ADGRV1: variants seen among roughly 807,000 people sequenced by gnomAD.
The protein encoded by ADGRV1 is G-protein coupled receptor 98.
Under a neutral mutation model 596.2 loss-of-function variants are expected in ADGRV1, and 359 were observed. The ratio of observed to expected loss-of-function variants is 0.60; its 90% CI spans 0.55 to 0.66. ADGRV1 has a LOEUF of 0.66. ADGRV1 is among the 30% of genes least tolerant of loss of function. The probability of loss-of-function intolerance (pLI) is 0.00; values close to 1 mark genes in which losing one functional copy is unlikely to be tolerated. For missense variants in ADGRV1, 7,274 were observed against 7,575.6 expected (o/e 0.96, Z 1.48); for synonymous variants, 2,681 against 2,679.2 (o/e 1.00, Z -0.02).
In ADGRV1 at chr5:90,778,861, A is replaced by G. The variant is rs374348637; in HGVS notation, c.12850-4A>G. 3.3e-5 allele frequency: 53 copies of G among 1,601,770 alleles called. No homozygotes were observed. The East Asian group carries it at 4.7e-4, about 14-fold the overall frequency. On this transcript the variant is annotated splice_polypyrimidine_tract_variant and splice_region_variant and intron_variant, in intron 63 of 89. Coordinates refer to ENST00000405460, the MANE Select transcript of ADGRV1 (RefSeq NM_032119.4). ...AATCAAATAAGAAAATGCATTTTGC[A>G]TAGGTTAACATCACAATCATCCGTT...
At chr5:91,003,199 A>C (rs1781986280) in intron 85 of ADGRV1, among the ~76,000 whole-genome samples, 1 of 152,194 alleles carries the variant, frequency 6.6e-6, no homozygotes, top group African/African-American at 2.4e-5. Flanking sequence ...ACTCAGTCCC[A>C]AAAAGAAATT....
Position 91,152,378 on chromosome 5 carries a change from A to T in ADGRV1, c.18625-843A>T, listed in dbSNP as rs1359908173. ...ATTTAGTATATCCTTATAGATACCTACTATATTTAAAATCCTATGTGGCAT... is the reference window on the plus strand; with the variant it reads ...ATTTAGTATATCCTTATAGATACCTTCTATATTTAAAATCCTATGTGGCAT... On this transcript the variant is annotated intron_variant, in intron 88 of 89. Transcript: ENST00000405460. Among the ~76,000 whole-genome samples the T allele has an allele frequency of 2.6e-5, 4 of 152,338 alleles. No homozygotes were observed. The South Asian group carries it at 8.3e-4, about 32-fold the overall frequency.
chr5:91,153,357 A>G lies in ADGRV1; in HGVS notation c.18761A>G (p.Glu6254Gly). Reference protein sequence around the residue: ...YGQGSLIADEESQEFDDLIFA... With the variant: ...YGQGSLIADEGSQEFDDLIFA... Reference sequence around the variant, plus strand: ...CAGGGGTCACTGATAGCCGATGAGGAGTCCCAGGAGTTTGATGATTTAATA... The same window carrying G: ...CAGGGGTCACTGATAGCCGATGAGGGGTCCCAGGAGTTTGATGATTTAATA... The change falls in exon 89 of 90, where the codon GAG (glutamate) becomes GGG (glycine). Residue 6254 changes from glutamate to glycine, a missense_variant. Physicochemically the swap from Glu to Gly is moderately conservative, Grantham distance 98 (BLOSUM62 -2). This residue lies in a region of ADGRV1 where 1,874 missense variants were observed against 1,970.2 expected (regional missense o/e 0.95). Transcript: ENST00000405460. The G allele has an allele frequency of 4.3e-6, 7 of 1,610,400 alleles. No homozygotes were observed. Among genetic ancestry groups the G allele is most frequent in the Non-Finnish European group, 5.9e-6 (7 of 1,178,224 alleles).
chr5:90,954,083 G>A (rs10213801), intron 83 of ADGRV1, among the ~76,000 whole-genome samples: 84,978 of 151,328 alleles, frequency 0.56, 24,721 homozygotes, highest in African/African-American at 0.66. Context: ...AGCTAACGTG[G>A]CTTTTTAATG....
chr5:90,954,169 CTTT>C (rs70973717), intron 83 of ADGRV1, among the ~76,000 whole-genome samples: 7 of 138,402 alleles, frequency 5.1e-5, no homozygotes, highest in Non-Finnish European at 6.2e-5. Flanking sequence ...CCCAGCCTTG[CTTT>C]TTTTTTTTTT....
In ADGRV1 at chr5:91,153,261, G is replaced by C; in HGVS notation, c.18665G>C (p.Ser6222Thr). The change falls in exon 89 of 90, where the codon AGT (serine) becomes ACT (threonine). Residue 6222 changes from serine (S) to threonine (T), a missense_variant. Around this residue, in one of 5 missense-constraint regions of ADGRV1, gnomAD observed 1,874 missense variants for 1,970.2 expected, o/e 0.95. Transcript: ENST00000405460. ...DWERASFQQG[S>T]QASPDLKPSP... ...GAGAGAGCATCCTTCCAACAGGGCA[G>C]TCAGGCCAGCCCTGATTTAAAGCCA... The C allele has an allele frequency of 6.2e-7, 1 of 1,608,854 alleles. No individual in the cohort carries two copies. Among genetic ancestry groups the C allele is most frequent in the South Asian group, 1.1e-5 (1 of 89,808 alleles).
At chr5:90,596,025 T>C (rs1326603112) in intron 1 of ADGRV1, among the ~76,000 whole-genome samples, 7 of 143,208 alleles carry the variant, frequency 4.9e-5, no homozygotes, top group African/African-American at 1.6e-4. Flanking sequence ...GGCTCCTCAC[T>C]TCTCATACGG....
At chr5:91,035,861 T>TTATATATATATATATATA (rs1554202360) in intron 85 of ADGRV1, among the ~76,000 whole-genome samples, 1 of 96,396 alleles carries the variant, frequency 1.0e-5, no homozygotes, top group African/African-American at 3.8e-5. Flanking sequence ...TATATATATA[T>TTATATATATATATATATA]TATATATATA....
At chr5:90,749,853 G>T (rs1175609476) in intron 52 of ADGRV1, among the ~76,000 whole-genome samples, 1 of 152,126 alleles carries the variant, frequency 6.6e-6, no homozygotes, top group Non-Finnish European at 1.5e-5. Flanking sequence ...AGGAAGCATA[G>T]ATAAGAAGAA....
intron 87 of ADGRV1, among the ~76,000 whole-genome samples, chr5:91,111,972 G>A (rs966273090): frequency 1.3e-5 from 2 of 152,178 alleles, no homozygotes; most frequent in African/African-American, 2.4e-5. Flanking sequence ...TTCTTAATCA[G>A]GTTATGCCTC....
At chr5:90,916,646 T>TTG (rs1773385061) in intron 83 of ADGRV1, among the ~76,000 whole-genome samples, 1 of 149,240 alleles carries the variant, frequency 6.7e-6, no homozygotes, top group South Asian at 2.1e-4. Flanking sequence ...TTTTTTTTTT[T>TTG]TTTTGAGACG....
At position 90,643,048 on chromosome 5, in the gene ADGRV1, G is replaced by A. The variant is rs752233075; in HGVS notation, c.2553+7G>A. 6 of 1,606,604 alleles carry A rather than the reference G, an allele frequency of 3.7e-6. No individual in the cohort carries two copies. Among genetic ancestry groups the A allele is most frequent in the Non-Finnish European group, 5.1e-6 (6 of 1,173,876 alleles). On this transcript the variant is annotated splice_region_variant and intron_variant, in intron 13 of 89. Coordinates refer to ENST00000405460, the MANE Select transcript of ADGRV1 (RefSeq NM_032119.4). ...ATTGGATGGGATACCAGAGGTATGGGATTTTATATTTTCTTTGTGTTTCTC... is the reference window on the plus strand; with the variant it reads ...ATTGGATGGGATACCAGAGGTATGGAATTTTATATTTTCTTTGTGTTTCTC...
intron 1 of ADGRV1, among the ~76,000 whole-genome samples, chr5:90,590,819 T>C (rs1759397828): frequency 6.6e-6 from 1 of 152,258 alleles, no homozygotes; most frequent in South Asian, 2.1e-4. Context: ...TATATATTCA[T>C]TTAAATACTA....
Position 90,848,670 on chromosome 5 carries a change from G to A in ADGRV1, c.17053G>A (p.Val5685Ile). 2 of 1,551,276 alleles carry A rather than the reference G, an allele frequency of 1.3e-6. No individual in the cohort carries two copies. Among genetic ancestry groups the A allele is most frequent in the South Asian group, 2.6e-5 (2 of 75,862 alleles). The change falls in exon 79 of 90, where the codon GTT becomes ATT. Residue 5685 changes from valine to isoleucine, a missense_variant. Physicochemically the swap from Val to Ile is conservative, Grantham distance 29. Transcript: ENST00000405460. The stretch of plus-strand genomic sequence containing the variant: ...TGAAGGAAAAATTCAAGCTTTCAGT[G>A]TTGCCAGCCGAACTCTTTTCTATGA... Reference protein sequence around the residue: ...TTEGKIQAFSVASRTLFYEIL... With the variant: ...TTEGKIQAFSIASRTLFYEIL...
chr5:90,852,621 A>G (rs1351640481), intron 79 of ADGRV1, among the ~76,000 whole-genome samples: 1 of 152,214 alleles, frequency 6.6e-6, no homozygotes, highest in Admixed American at 6.5e-5. Flanking sequence ...GATGTAATCT[A>G]GAAATCTGTA....
intron 83 of ADGRV1, among the ~76,000 whole-genome samples, chr5:90,953,605 A>G (rs1384084534): frequency 1.3e-5 from 2 of 152,118 alleles, no homozygotes; most frequent in Non-Finnish European, 1.5e-5. Flanking sequence ...AACAATTCAT[A>G]AATGTCTTGA....
intron 45 of ADGRV1, among the ~76,000 whole-genome samples, chr5:90,723,574 T>G (rs1751368633): frequency 6.6e-6 from 1 of 152,194 alleles, no homozygotes; most frequent in Non-Finnish European, 1.5e-5. Flanking sequence ...GAAGGATTTG[T>G]CCATATGTCA....
At position 90,668,191 on chromosome 5, in the gene ADGRV1, G is replaced by A. The variant is rs569268893; in HGVS notation, c.4753-4355G>A. Reference sequence around the variant, plus strand: ...TACCTAAGCAAGCCTGGGCAATGGCGGGCGCCCCTCCCCCAGCCTCGCTGC... The same window carrying A: ...TACCTAAGCAAGCCTGGGCAATGGCAGGCGCCCCTCCCCCAGCCTCGCTGC... On this transcript the variant is annotated intron_variant, in intron 21 of 89. Coordinates refer to ENST00000405460, the MANE Select transcript of ADGRV1 (RefSeq NM_032119.4). Among the ~76,000 whole-genome samples, 9 of 152,032 alleles carry A rather than the reference G, an allele frequency of 5.9e-5. No individual in the cohort carries two copies. The South Asian group carries it at 6.2e-4, about 11-fold the overall frequency.
chr5:90,826,421 T>TCCCGCCACTGCACTCCAGCCTGGGCGAC (rs1764078782), intron 76 of ADGRV1, among the ~76,000 whole-genome samples: 1 of 152,224 alleles, frequency 6.6e-6, no homozygotes, highest in Non-Finnish European at 1.5e-5. Context: ...AGGGTTCTGA[T>TCCCGCCACTGCACTCCAGCCTGGGCGAC]AATGGAAGAC....
Sources: allele counts gnomAD v4.1 joint callset (sites outside exome capture counted in the v4.1 genomes callset), GRCh38; gene constraint gnomAD v4.1.1; regional missense constraint gnomAD v4.1.1; transcripts MANE v1.5; gene names NCBI Gene and HGNC (gene_info 2026-07-23, HGNC 2026-07-21).